Variants in ZDHHC21 observed in about 807,000 individuals in gnomAD.
ZDHHC21 encodes zDHHC palmitoyltransferase 21.
A neutral mutation model predicts 34.6 loss-of-function variants in ZDHHC21; 15 were observed. That is an observed-to-expected ratio of 0.43 (90% CI 0.29 to 0.67). The LOEUF is 0.67. ZDHHC21 is among the 30% of genes least tolerant of loss of function. ZDHHC21 has a pLI of 0.14. For synonymous variants in ZDHHC21, 142 were observed against 101.8 expected, an observed-to-expected ratio of 1.40 and a Z score of -2.38; for missense variants, 344 against 327.7, an observed-to-expected ratio of 1.05 and a Z score of -0.38.
the ZDHHC21 span, among the ~76,000 whole-genome samples, chr9:14,590,843 T>C: frequency 2.0e-5 from 3 of 152,100 alleles, no homozygotes; most frequent in African/African-American, 4.8e-5. Context: ...ATGGGGAAAT[T>C]TGAAAGATAT....
At chr9:14,627,376 G>T (rs1225654692) in intron 8 of ZDHHC21, among the ~76,000 whole-genome samples, 1 of 152,056 alleles carries the variant, frequency 6.6e-6, no homozygotes, top group African/African-American at 2.4e-5. Context: ...CAGTATTTAG[G>T]GGGGAAAACA....
At chr9:14,607,530 G>C (rs1166397021), downstream of ZDHHC21, among the ~76,000 whole-genome samples, 1 of 151,778 alleles carries the variant, frequency 6.6e-6, no homozygotes, top group Non-Finnish European at 1.5e-5. Context: ...ATTATGGCCA[G>C]TAGCTACTTT....
chr9:14,628,579 G>A (rs1826722721), intron 8 of ZDHHC21, among the ~76,000 whole-genome samples: 3 of 74,454 alleles, frequency 4.0e-5, no homozygotes, highest in African/African-American at 1.2e-4. Context: ...TAGGGTGCAA[G>A]AGTAGGGAAA....
rs1838235656 is a variant in ZDHHC21, at chr9:14,685,916, G to A, written c.-176+4421C>T. 2.0e-5 allele frequency among the ~76,000 whole-genome samples: 3 copies of A among 152,306 alleles called. No individual in the cohort carries two copies. In the South Asian group the frequency reaches 6.2e-4, roughly 32 times the overall value. ...TCATGTCCTTTGTAGGGACACGGAT[G>A]AAGCCTGAAACCATCATTCTCAGCA... is the stretch of plus-strand genomic sequence containing the variant. On this transcript the variant is annotated intron_variant, in intron 2 of 9. Coordinates refer to ENST00000380916, the MANE Select transcript of ZDHHC21 (RefSeq NM_178566.6).
intron 7 of ZDHHC21, among the ~76,000 whole-genome samples, chr9:14,652,788 G>A (rs1831452382): frequency 1.3e-5 from 2 of 151,904 alleles, no homozygotes; most frequent in Admixed American, 1.3e-4. Context: ...TGGTCAAAGT[G>A]CAACTCATTT....
rs1824257860 is a variant in ZDHHC21 at position 14,616,737 on chromosome 9, C to T, written c.*2229G>A. On this transcript the variant is annotated 3_prime_UTR_variant, in exon 10 of 10. Transcript: ENST00000380916. ...ATATAGATATACTGTAATATACATT[C>T]TTATGTATATATACTGATAGATAGC... is the stretch of plus-strand genomic sequence containing the variant. 1 of 151,702 alleles carries T rather than the reference C, an allele frequency of 6.6e-6. No homozygotes were observed. The highest frequency in any genetic ancestry group is 1.5e-5 in the Non-Finnish European group (1 of 67,790). The allele number at this position is 151,702 out of a possible 1,614,324, so 9.4% of individuals were successfully genotyped here. A position where few individuals can be genotyped will look rare whatever the true frequency, so the allele number is the denominator to read the frequency against.
At position 14,640,413 on chromosome 9, in the gene ZDHHC21, T is replaced by A. The variant is rs555281739; in HGVS notation, c.505-401A>T. On this transcript the variant is annotated intron_variant, in intron 7 of 9. Transcript: ENST00000380916. ...TACAAAAGGAATTTTATTATTTCTC[T>A]GCTAAAAAGTTTGAATACACAGCAT... is the stretch of plus-strand genomic sequence containing the variant. 2.6e-3 allele frequency among the ~76,000 whole-genome samples: 390 copies of A among 152,112 alleles called. 3 individuals carry two copies. The highest frequency in any genetic ancestry group is 9.1e-3 in the African/African-American group (378 of 41,542).
chr9:14,653,643 T>C (rs578149606), intron 7 of ZDHHC21, among the ~76,000 whole-genome samples: 3 of 152,032 alleles, frequency 2.0e-5, no homozygotes, highest in African/African-American at 7.2e-5. Flanking sequence ...ATGAGTCTCA[T>C]TCCCTACTCT....
rs1823353314 is a variant in ZDHHC21, at chr9:14,611,833, C to CT, written c.*7132dup. On this transcript the variant is annotated 3_prime_UTR_variant, in exon 10 of 10. Transcript: ENST00000380916. ...TCACAATTCACTTGTCGGAATATCTCTGATTCTGGTGGAAGTTTTTACTTT... is the reference window on the plus strand; with the variant it reads ...TCACAATTCACTTGTCGGAATATCTCTTGATTCTGGTGGAAGTTTTTACTTT... 1 of 152,026 alleles carries CT rather than the reference C, an allele frequency of 6.6e-6. No individual in the cohort carries two copies. Among genetic ancestry groups the CT allele is most frequent in the Non-Finnish European group, 1.5e-5 (1 of 67,964 alleles). The allele number at this position is 152,026 out of a possible 1,614,324, so 9.4% of individuals were successfully genotyped here.
chr9:14,678,272 C>G (rs772506497), intron 3 of ZDHHC21, among the ~76,000 whole-genome samples: 2 of 151,974 alleles, frequency 1.3e-5, no homozygotes, highest in African/African-American at 4.8e-5. Flanking sequence ...ACAATGAAGA[C>G]CAATCAACCA....
rs1455697496 is a variant in ZDHHC21, at chr9:14,611,265, GATTTTCAC to G, written c.*7693_*7700del. 15 of 151,954 alleles carry G rather than the reference GATTTTCAC, an allele frequency of 9.9e-5. No homozygotes were observed. Among genetic ancestry groups the G allele is most frequent in the Non-Finnish European group, 1.8e-4 (12 of 67,924 alleles). The allele number at this position is 151,954 out of a possible 1,614,324, so 9.4% of individuals were successfully genotyped here. Reference sequence around the variant, plus strand: ...TGTTCTTAAGGTAGATACATGGTTTGATTTTCACATTAAGAACCAGTGTAGACTTTTCA... The same window carrying G: ...TGTTCTTAAGGTAGATACATGGTTTGATTAAGAACCAGTGTAGACTTTTCA... On this transcript the variant is annotated 3_prime_UTR_variant, in exon 10 of 10. Coordinates refer to ENST00000380916, the MANE Select transcript of ZDHHC21 (RefSeq NM_178566.6).
intron 8 of ZDHHC21, among the ~76,000 whole-genome samples, chr9:14,625,076 T>C (rs925319534): frequency 7.3e-5 from 11 of 151,656 alleles, no homozygotes; most frequent in Non-Finnish European, 1.5e-5. Flanking sequence ...CTGATTAGTA[T>C]ATGAACAGTA....
At chr9:14,633,085 G>A (rs10756588) in intron 8 of ZDHHC21, among the ~76,000 whole-genome samples, 57,274 of 151,990 alleles carry the variant, frequency 0.38, 11,778 homozygotes, top group African/African-American at 0.54. Flanking sequence ...GAAAATGTAC[G>A]TCCACACAAA....
intron 7 of ZDHHC21, among the ~76,000 whole-genome samples, chr9:14,657,212 G>A (rs1434494423): frequency 6.6e-6 from 1 of 151,908 alleles, no homozygotes; most frequent in African/African-American, 2.4e-5. Flanking sequence ...CTGTAAAACG[G>A]TCTCTAAAAT....
intron 5 of ZDHHC21, among the ~76,000 whole-genome samples, chr9:14,671,836 T>C (rs1270576553): frequency 6.6e-6 from 1 of 152,120 alleles, no homozygotes; most frequent in Non-Finnish European, 1.5e-5. Flanking sequence ...TTTTTAAACA[T>C]AGTTAAGAAC....
chr9:14,591,057 T>C, the ZDHHC21 span, among the ~76,000 whole-genome samples: 110 of 152,206 alleles, frequency 7.2e-4, 1 homozygote, highest in Admixed American at 2.0e-3. Context: ...GTCTGTGATA[T>C]GGCATATTGT....
chr9:14,657,954 A>G (rs1243159616), intron 7 of ZDHHC21, among the ~76,000 whole-genome samples: 2 of 152,226 alleles, frequency 1.3e-5, no homozygotes, highest in Non-Finnish European at 2.9e-5. Flanking sequence ...ATCTATAAAT[A>G]AGATGAAACA....
chr9:14,627,118 A>G (rs1251588635), intron 8 of ZDHHC21, among the ~76,000 whole-genome samples: 1 of 152,142 alleles, frequency 6.6e-6, no homozygotes. Context: ...GCAGAATACT[A>G]GGCAAAATTT....
chr9:14,633,984 G>A (rs1827825334), intron 8 of ZDHHC21, among the ~76,000 whole-genome samples: 1 of 152,174 alleles, frequency 6.6e-6, no homozygotes, highest in Admixed American at 6.5e-5. Context: ...GGGGACCTGA[G>A]GCTAGGTCTC....
Sources: allele counts gnomAD v4.1 joint callset (sites outside exome capture counted in the v4.1 genomes callset), GRCh38; gene constraint gnomAD v4.1.1; transcripts MANE v1.5; gene names NCBI Gene and HGNC (gene_info 2026-07-23, HGNC 2026-07-21).